PAXIP1: variants seen among roughly 807,000 people sequenced by gnomAD.
PAXIP1 encodes the protein PAX interacting protein 1, also known as PAX-interacting protein 1.
A neutral mutation model predicts 140.6 loss-of-function variants in PAXIP1; 19 were observed. That is an observed-to-expected ratio of 0.14 (90% CI 0.09 to 0.20). PAXIP1 has a LOEUF of 0.20. Ranked by LOEUF, PAXIP1 falls within the 10% of genes least tolerant of loss-of-function variation. The pLI is 1.00. For missense variants in PAXIP1, 920 were observed against 1,208.6 expected, an observed-to-expected ratio of 0.76 and a Z score of 3.54; for synonymous variants, 442 against 444.6, an observed-to-expected ratio of 0.99 and a Z score of 0.07.
chr7:154,968,370 T>C lies in PAXIP1; in HGVS notation c.1798+33A>G, dbSNP rs749381836. 7 of 1,501,178 alleles carry C rather than the reference T, an allele frequency of 4.7e-6. No individual in the cohort carries two copies. The African/African-American group carries it at 7.0e-5, about 15-fold the overall frequency. The allele number at this position is 1,501,178 out of a possible 1,614,324, so 93.0% of individuals were successfully genotyped here. A position where few individuals can be genotyped will look rare whatever the true frequency, so the allele number is the denominator to read the frequency against. ...AGCATTTATGTGGGTACAAGACTTT[T>C]AGGAGAGAGGAAAAATAATCTCCAT... On this transcript the variant is annotated intron_variant, in intron 7 of 20. Coordinates refer to ENST00000404141, the MANE Select transcript of PAXIP1 (RefSeq NM_007349.4).
chr7:154,955,819 C>CA (rs1446121884), intron 14 of PAXIP1, among the ~76,000 whole-genome samples, 188 bp from the exon 15 acceptor site: 2 of 152,204 alleles, frequency 1.3e-5, no homozygotes, highest in East Asian at 3.9e-4. Flanking sequence ...AGTCACCTTC[C>CA]AAAAAAGACT....
chr7:154,999,495 A>T (rs1409538756), intron 1 of PAXIP1, among the ~76,000 whole-genome samples: 1 of 152,200 alleles, frequency 6.6e-6, no homozygotes, highest in African/African-American at 2.4e-5. Context: ...ACCTGTTAAG[A>T]AACAAGTGCA....
At chr7:154,962,007 A>C (rs530828147) in intron 10 of PAXIP1, among the ~76,000 whole-genome samples, 116 of 152,316 alleles carry the variant, frequency 7.6e-4, no homozygotes, top group African/African-American at 2.7e-3. Flanking sequence ...GGGAAGACCC[A>C]CAACTATTGA....
intron 6 of PAXIP1, 109 bp downstream of exon 6, chr7:154,975,587 G>GT: frequency 1.4e-6 from 1 of 690,126 alleles, no homozygotes; most frequent in South Asian, 1.9e-5. Context: ...AATACTGCTT[G>GT]TAAGTTATTT....
intron 16 of PAXIP1, chr7:154,948,350 A>T (rs1808095511): frequency 7.7e-6 from 2 of 261,410 alleles, no homozygotes; most frequent in East Asian, 1.9e-4. Context: ...GTTCGAGAAC[A>T]GCCTGGGCAA....
chr7:154,991,398 A>G (rs777897693), intron 3 of PAXIP1, among the ~76,000 whole-genome samples: 13 of 152,162 alleles, frequency 8.5e-5, no homozygotes, highest in Non-Finnish European at 1.9e-4. Flanking sequence ...ACACATGCCT[A>G]TACACATACA....
chr7:154,964,065 T>C (rs980338326), intron 8 of PAXIP1: 11 of 354,332 alleles, frequency 3.1e-5, no homozygotes, highest in Non-Finnish European at 4.9e-5. Flanking sequence ...CAGGGAGTTC[T>C]GGGAAGTGGG....
chr7:154,959,976 T>G, intron 12 of PAXIP1, 43 bp from the exon 13 acceptor site: 2 of 1,400,724 alleles, frequency 1.4e-6, no homozygotes, highest in South Asian at 2.4e-5. Flanking sequence ...GATACGTTGT[T>G]TAAATAAAAA....
At chr7:154,965,128 G>C (rs528901594) in intron 8 of PAXIP1, 1 of 152,234 alleles carries the variant, frequency 6.6e-6, no homozygotes, top group East Asian at 1.9e-4. Flanking sequence ...ATAACGCTGC[G>C]GGTTTTCCCT....
intron 5 of PAXIP1, among the ~76,000 whole-genome samples, chr7:154,983,011 T>C (rs1283776626): frequency 6.6e-6 from 1 of 152,208 alleles, no homozygotes. Context: ...CAAAATTTCA[T>C]AGTATTTAGA....
At chr7:154,949,965 C>T (rs1808200043) in intron 16 of PAXIP1, 1 of 152,196 alleles carries the variant, frequency 6.6e-6, no homozygotes, top group African/African-American at 2.4e-5. Context: ...ACGATCCTGT[C>T]ACAGATGAGA....
chr7:154,960,390 C>T (rs141505701), intron 12 of PAXIP1, among the ~76,000 whole-genome samples: 2 of 152,224 alleles, frequency 1.3e-5, no homozygotes, highest in East Asian at 1.9e-4. Flanking sequence ...AGAGGACAGA[C>T]GTCAATTCTA....
rs1809429814 is a variant in PAXIP1, at chr7:154,973,542, A to C, written c.1074+2154T>G. Among the ~76,000 whole-genome samples the C allele has an allele frequency of 6.6e-6, 1 of 152,150 alleles. No homozygotes were observed. Among genetic ancestry groups the C allele is most frequent in the African/African-American group, 2.4e-5 (1 of 41,434 alleles). On this transcript the variant is annotated intron_variant, in intron 6 of 20. Coordinates refer to ENST00000404141, the MANE Select transcript of PAXIP1 (RefSeq NM_007349.4). The surrounding 1 kb of genome is among the most constrained non-coding windows in gnomAD (Gnocchi z 4.0). Reference sequence around the variant, plus strand: ...CTTAACTGTCTGCTGTCTAACATCTAAAGGGCATGTTTGCCTCTATCTTAC... The same window carrying C: ...CTTAACTGTCTGCTGTCTAACATCTCAAGGGCATGTTTGCCTCTATCTTAC...
intron 9 of PAXIP1, 64 bp from the exon 10 acceptor site, chr7:154,962,522 C>A (rs1808799878): frequency 6.8e-7 from 1 of 1,480,626 alleles, no homozygotes; most frequent in East Asian, 2.4e-5. Flanking sequence ...AAAGAAAATT[C>A]TAAGGTTGTA....
At chr7:154,994,649 T>C (rs1187865146) in intron 2 of PAXIP1, among the ~76,000 whole-genome samples, 7 of 152,194 alleles carry the variant, frequency 4.6e-5, no homozygotes, top group Non-Finnish European at 8.8e-5. Context: ...ACACCTTAAA[T>C]AAATTTCAGA....
chr7:154,966,417 A>G (rs1809025269), intron 8 of PAXIP1, among the ~76,000 whole-genome samples: 1 of 152,218 alleles, frequency 6.6e-6, no homozygotes, highest in Non-Finnish European at 1.5e-5. Context: ...CTGAGGGCAC[A>G]TGGCCTTCAG....
chr7:154,976,185 CTCTTCCTCT>C lies in PAXIP1; in HGVS notation c.576_584del (p.Glu198_Glu200del), dbSNP rs747948054. On this transcript the variant is annotated inframe_deletion, in exon 6 of 21. Transcript: ENST00000404141. ...CATTTTCTACTTCCTCCTCCTCTTC[CTCTTCCTCT>C]TCTTCCTCTTCATAAATAATCAGAC... is the stretch of plus-strand genomic sequence containing the variant. 5.0e-5 allele frequency: 80 copies of C among 1,609,118 alleles called. No homozygotes were observed. Among genetic ancestry groups the C allele is most frequent in the Non-Finnish European group, 6.0e-5 (71 of 1,177,016 alleles).
At chr7:154,978,640 G>C (rs116590832) in intron 5 of PAXIP1, among the ~76,000 whole-genome samples, 2,251 of 152,184 alleles carry the variant, frequency 0.015, 51 homozygotes, top group African/African-American at 0.046. Flanking sequence ...CAGGTACACA[G>C]CAGAATATTT....
In PAXIP1 at chr7:154,968,903, TGC is replaced by T; in HGVS notation, c.1296_1297del (p.Gln433AlafsTer162). ...GGGGTAAGGTTGCTGAGAGATCTGC[TGC>T]TGCTGCTGCTGCTGGAGCTGCATTA... On this transcript the variant is annotated frameshift_variant, in exon 7 of 21. Transcript: ENST00000404141. LOFTEE classifies it high-confidence loss of function. 1 of 1,213,986 alleles carries T rather than the reference TGC, an allele frequency of 8.2e-7. No homozygotes were observed. Among genetic ancestry groups the T allele is most frequent in the South Asian group, 1.3e-5 (1 of 76,880 alleles). 75.2% of individuals were successfully genotyped at this position (1,213,986 alleles called of 1,614,324 possible). A position where few individuals can be genotyped will look rare whatever the true frequency, so the allele number is the denominator to read the frequency against.
Sources: allele counts gnomAD v4.1 joint callset (sites outside exome capture counted in the v4.1 genomes callset), GRCh38; gene constraint gnomAD v4.1.1; non-coding constraint Gnocchi (gnomAD v3.1); transcripts MANE v1.5; gene names NCBI Gene and HGNC (gene_info 2026-07-23, HGNC 2026-07-21).